FGD4: variants seen among roughly 807,000 people sequenced by gnomAD.
FGD4 encodes the protein FYVE, RhoGEF and PH domain-containing protein 4.
A neutral mutation model predicts 102.0 loss-of-function variants in FGD4; 42 were observed. The observed-to-expected ratio is 0.41, with a 90% CI of 0.32 to 0.53. FGD4 has a LOEUF of 0.53. Among genes scored for constraint, FGD4 ranks in the 20% least tolerant of loss-of-function variants. FGD4 has a pLI of 0.21. For synonymous variants in FGD4, 380 were observed against 375.7 expected (o/e 1.01, Z -0.13); for missense variants, 902 against 1,078.2 (o/e 0.84, Z 2.29).
chr12:32,611,282 TAGTG>T lies in FGD4; in HGVS notation c.1749+3_1749+6del. On this transcript the variant is annotated splice_donor_variant and splice_donor_region_variant and coding_sequence_variant and intron_variant, in exon 10 of 17. Transcript: ENST00000534526. LOFTEE classifies it high-confidence loss of function. ...TCAGCACAAGAACGCTACCTTTTCTTAGTGAGTATTATAGTGTTGGCAAGTCATA... is the reference window on the plus strand; with the variant it reads ...TCAGCACAAGAACGCTACCTTTTCTTAGTATTATAGTGTTGGCAAGTCATA... 1.9e-6 allele frequency: 3 copies of T among 1,614,142 alleles called. No homozygotes were observed. The highest frequency in any genetic ancestry group is 1.6e-4 in the Middle Eastern group (1 of 6,062).
At chr12:32,408,076 T>G (rs780091961) in intron 1 of FGD4, among the ~76,000 whole-genome samples, 2 of 151,860 alleles carry the variant, frequency 1.3e-5, no homozygotes, top group Non-Finnish European at 2.9e-5. Context: ...CTTGGCTCAC[T>G]GCAAATTTCA....
intron 1 of FGD4, among the ~76,000 whole-genome samples, chr12:32,417,096 ATGT>A (rs1941448561): frequency 6.6e-6 from 1 of 151,988 alleles, no homozygotes; most frequent in South Asian, 2.1e-4. Context: ...AGGTTTCATC[ATGT>A]TGGTCAGGCT....
intron 5 of FGD4, chr12:32,600,584 C>CTTTTTTTTTTTTTTTTTTTTTTTT (rs776556112): frequency 1.1e-5 from 3 of 267,972 alleles, no homozygotes; most frequent in Non-Finnish European, 1.6e-5. Flanking sequence ...TTCTTTCTTT[C>CTTTTTTTTTTTTTTTTTTTTTTTT]TTTCTTTCTT....
intron 11 of FGD4, among the ~76,000 whole-genome samples, chr12:32,620,526 T>C (rs1246224784): frequency 6.6e-5 from 9 of 135,574 alleles, no homozygotes; most frequent in African/African-American, 2.2e-4. Context: ...CTTTCTTTTT[T>C]TTTTTTTTTT....
intron 1 of FGD4, among the ~76,000 whole-genome samples, chr12:32,422,249 A>AT (rs899003879): frequency 1.4e-4 from 14 of 100,690 alleles, no homozygotes; most frequent in Admixed American, 4.1e-4. Context: ...TAAAATGTGC[A>AT]TTTTTTTTTC....
chr12:32,621,426 G>A (rs1014949680), intron 11 of FGD4, among the ~76,000 whole-genome samples: 32 of 152,184 alleles, frequency 2.1e-4, no homozygotes, highest in African/African-American at 7.5e-4. Flanking sequence ...CAATATCCCA[G>A]AATCCACGGA....
At chr12:32,627,212 T>C (rs1334302205) in intron 14 of FGD4, among the ~76,000 whole-genome samples, 2 of 149,974 alleles carry the variant, frequency 1.3e-5, no homozygotes, top group Non-Finnish European at 3.0e-5. Flanking sequence ...TGGAGTGCAA[T>C]GTTGTGATCT....
chr12:32,495,485 A>G (rs1329439733), intron 1 of FGD4, among the ~76,000 whole-genome samples: 1 of 152,020 alleles, frequency 6.6e-6, no homozygotes, highest in Admixed American at 6.6e-5. Flanking sequence ...TCACGAGGTC[A>G]GGAGATCGAG....
At chr12:32,619,639 A>T in intron 10 of FGD4, 59 bp from the exon 11 acceptor site, 2 of 1,596,858 alleles carry the variant, frequency 1.3e-6, no homozygotes, top group Non-Finnish European at 1.7e-6. Flanking sequence ...CTCAAAAAAA[A>T]ACCTGATCAG....
At chr12:32,557,342 C>A (rs904968988) in intron 1 of FGD4, among the ~76,000 whole-genome samples, 1 of 152,222 alleles carries the variant, frequency 6.6e-6, no homozygotes, top group Non-Finnish European at 1.5e-5. Flanking sequence ...CCCAAAGTTA[C>A]ATTTGGTGTG....
chr12:32,607,704 G>A lies in FGD4; in HGVS notation c.1405-253G>A, dbSNP rs568971941. Reference sequence around the variant, plus strand: ...TAATTTTTGTATTTTTAGTAGAGGCGGGGTTTTGCCATGTTGGCCGGGCTG... The same window carrying A: ...TAATTTTTGTATTTTTAGTAGAGGCAGGGTTTTGCCATGTTGGCCGGGCTG... On this transcript the variant is annotated intron_variant, in intron 7 of 16. Transcript: ENST00000534526. Among the ~76,000 whole-genome samples, 12 of 152,244 alleles carry A rather than the reference G, an allele frequency of 7.9e-5. No individual in the cohort carries two copies. The East Asian group carries it at 9.7e-4, about 12-fold the overall frequency.
At chr12:32,400,323 T>C (rs1250073488) in intron 1 of FGD4, among the ~76,000 whole-genome samples, 1 of 152,104 alleles carries the variant, frequency 6.6e-6, no homozygotes, top group African/African-American at 2.4e-5. Flanking sequence ...TGGGCAGCCG[T>C]GGTGGAGGCC....
intron 1 of FGD4, among the ~76,000 whole-genome samples, chr12:32,519,119 G>GAA (rs751377618): frequency 0.016 from 1,192 of 72,738 alleles, 22 homozygotes; most frequent in African/African-American, 0.043. Context: ...TCCGTCTCAG[G>GAA]AAAAAAAAAA....
chr12:32,409,952 G>A (rs949748571), intron 1 of FGD4, among the ~76,000 whole-genome samples: 1 of 147,360 alleles, frequency 6.8e-6, no homozygotes, highest in Non-Finnish European at 1.5e-5. Flanking sequence ...GATTGCTTGA[G>A]TTTAGGAGTT....
intron 1 of FGD4, among the ~76,000 whole-genome samples, chr12:32,420,783 GCTC>G (rs1941598574): frequency 6.6e-6 from 1 of 152,128 alleles, no homozygotes; most frequent in Admixed American, 6.5e-5. Context: ...GTCATCCATT[GCTC>G]CTCAAGGGCC....
chr12:32,521,763 A>G (rs983787021), intron 1 of FGD4, among the ~76,000 whole-genome samples: 2 of 152,190 alleles, frequency 1.3e-5, no homozygotes, highest in African/African-American at 4.8e-5. Flanking sequence ...TTTGTGGCAA[A>G]TAACATTTGC....
intron 1 of FGD4, among the ~76,000 whole-genome samples, chr12:32,501,790 C>G (rs1306358000): frequency 6.6e-6 from 1 of 152,114 alleles, no homozygotes; most frequent in African/African-American, 2.4e-5. Flanking sequence ...TTCTAGAATG[C>G]TTTATCTTTA....
At position 32,518,633 on chromosome 12, in the gene FGD4, G is replaced by T. The variant is rs575868865; in HGVS notation, c.167-45504G>T. Reference sequence around the variant, plus strand: ...GAGACTGGACAATGCAAGCTCACTTGTCTGTTTTTGTGTCCATGGCATTTT... The same window carrying T: ...GAGACTGGACAATGCAAGCTCACTTTTCTGTTTTTGTGTCCATGGCATTTT... On this transcript the variant is annotated intron_variant, in intron 1 of 16. Coordinates refer to ENST00000534526, the MANE Select transcript of FGD4 (RefSeq NM_001370298.3). Among the ~76,000 whole-genome samples, 300 of 152,274 alleles carry T rather than the reference G, an allele frequency of 2.0e-3. 1 individual carries two copies. Among genetic ancestry groups the T allele is most frequent in the African/African-American group, 7.0e-3 (289 of 41,550 alleles).
At position 32,579,334 on chromosome 12, in the gene FGD4, G is replaced by A. The variant is rs1172632918; in HGVS notation, c.504-2626G>A. On this transcript the variant is annotated intron_variant, in intron 3 of 16. Coordinates refer to ENST00000534526, the MANE Select transcript of FGD4 (RefSeq NM_001370298.3). ...GCTGGGATTACCGGCGTGAGCTACC[G>A]TGCCCGGCCGGAACATTGGTTTTTC... 4.6e-5 allele frequency among the ~76,000 whole-genome samples: 7 copies of A among 152,184 alleles called. No individual in the cohort carries two copies. In the South Asian group the frequency reaches 6.2e-4, roughly 14 times the overall value.
Sources: allele counts gnomAD v4.1 joint callset (sites outside exome capture counted in the v4.1 genomes callset), GRCh38; gene constraint gnomAD v4.1.1; transcripts MANE v1.5; gene names NCBI Gene and HGNC (gene_info 2026-07-23, HGNC 2026-07-21).